GPLD1: variants seen among roughly 807,000 people sequenced by gnomAD.
GPLD1 encodes glycosylphosphatidylinositol specific phospholipase D1, also known as phosphatidylinositol-glycan-specific phospholipase D.
In GPLD1, 84 loss-of-function variants were observed where a neutral mutation model predicts 112.6. That is an observed-to-expected ratio of 0.75 (90% CI 0.63 to 0.89). The LOEUF (loss-of-function observed/expected upper bound fraction) is 0.89. Among genes scored for constraint, GPLD1 ranks in the 40% least tolerant of loss-of-function variants. The pLI is 0.00. For synonymous variants in GPLD1, 386 were observed against 403.8 expected, an observed-to-expected ratio of 0.96 and a Z score of 0.53; for missense variants, 1,044 against 1,051.5, an observed-to-expected ratio of 0.99 and a Z score of 0.10.
At position 24,445,630 on chromosome 6, in the gene GPLD1, TC is replaced by T; in HGVS notation, c.1935del (p.Lys646AsnfsTer12). On this transcript the variant is annotated frameshift_variant, in exon 20 of 25. Coordinates refer to ENST00000230036, the MANE Select transcript of GPLD1 (RefSeq NM_001503.4). LOFTEE classifies it high-confidence loss of function. ...CCACTGGAAAGGGAAGTACCCAGTT[TC>T]CCCATTGCCTGTGAGACACAATAAA... is the stretch of plus-strand genomic sequence containing the variant. ...WFTISGDKAM[G>X]KLGTSLSSGH... is the part of the protein sequence containing the mutation. The T allele has an allele frequency of 1.2e-6, 2 of 1,613,282 alleles. No individual in the cohort carries two copies. Among genetic ancestry groups the T allele is most frequent in the Non-Finnish European group, 1.7e-6 (2 of 1,179,306 alleles).
At chr6:24,468,611 TGGTGCGATATC>T (rs1763696920) in intron 7 of GPLD1, among the ~76,000 whole-genome samples, 1 of 151,798 alleles carries the variant, frequency 6.6e-6, no homozygotes, top group African/African-American at 2.4e-5. Flanking sequence ...TGGAGTGCAG[TGGTGCGATATC>T]GGTTCACCGC....
At chr6:24,486,889 T>C (rs555663106) in intron 1 of GPLD1, among the ~76,000 whole-genome samples, 20 of 152,066 alleles carry the variant, frequency 1.3e-4, no homozygotes, top group African/African-American at 4.1e-4. Context: ...CAAAATACAA[T>C]ATAACACCTA....
At chr6:24,474,081 G>A (rs1161572140) in intron 5 of GPLD1, among the ~76,000 whole-genome samples, 1 of 151,724 alleles carries the variant, frequency 6.6e-6, no homozygotes, top group Non-Finnish European at 1.5e-5. Context: ...AGCCGAGATT[G>A]CACCACTGAA....
downstream of GPLD1, chr6:24,424,680 A>G (rs1019679901): frequency 2.0e-5 from 3 of 152,300 alleles, no homozygotes; most frequent in South Asian, 6.2e-4. Context: ...GGTTAAGTAC[A>G]GTTAGGCACT....
At position 24,446,819 on chromosome 6, in the gene GPLD1, C is replaced by T. The variant is rs1561835721; in HGVS notation, c.1820+19G>A. On this transcript the variant is annotated intron_variant, in intron 18 of 24. Transcript: ENST00000230036. The stretch of plus-strand genomic sequence containing the variant: ...CTGCCCCTGTGTTCATGGTTCCCAG[C>T]CCCCAGCATCAGCCTCACCTGCTGG... 2.5e-6 allele frequency: 4 copies of T among 1,610,162 alleles called. No individual in the cohort carries two copies. Among genetic ancestry groups the T allele is most frequent in the Non-Finnish European group, 3.4e-6 (4 of 1,178,160 alleles).
chr6:24,460,811 C>T (rs1483055111), intron 11 of GPLD1, among the ~76,000 whole-genome samples: 1 of 150,458 alleles, frequency 6.6e-6, no homozygotes, highest in Non-Finnish European at 1.5e-5. Flanking sequence ...ACGATCTCGG[C>T]TCATTGCAAC....
chr6:24,438,864 G>A (rs971009176), intron 20 of GPLD1, among the ~76,000 whole-genome samples: 1 of 151,908 alleles, frequency 6.6e-6, no homozygotes, highest in Non-Finnish European at 1.5e-5. Flanking sequence ...TCGGCTCACT[G>A]CAACCTCCGC....
At chr6:24,470,466 A>G (rs192579369) in intron 7 of GPLD1, among the ~76,000 whole-genome samples, 5 of 152,284 alleles carry the variant, frequency 3.3e-5, no homozygotes, top group Non-Finnish European at 7.4e-5. Flanking sequence ...ATCTACCCTC[A>G]TGTGGGAGAT....
chr6:24,490,391 G>T (rs915436290), upstream of GPLD1, among the ~76,000 whole-genome samples: 1 of 152,152 alleles, frequency 6.6e-6, no homozygotes, highest in African/African-American at 2.4e-5. Flanking sequence ...CAAGAGATGG[G>T]CTCCTAAAAG....
intron 20 of GPLD1, among the ~76,000 whole-genome samples, chr6:24,438,150 T>G (rs1212937117): frequency 6.6e-6 from 1 of 152,222 alleles, no homozygotes; most frequent in Non-Finnish European, 1.5e-5. Context: ...CTGCATTCAC[T>G]TCTGTGTCTC....
intron 6 of GPLD1, chr6:24,473,414 A>G: frequency 2.6e-6 from 1 of 381,504 alleles, no homozygotes; most frequent in East Asian, 3.9e-5. Flanking sequence ...TTTTTTAACA[A>G]AAAAATACAT....
chr6:24,460,858 G>A (rs1417196353), intron 11 of GPLD1, among the ~76,000 whole-genome samples: 1 of 151,206 alleles, frequency 6.6e-6, no homozygotes, highest in Non-Finnish European at 1.5e-5. Context: ...TCCTGTCTCA[G>A]CCTCCTGAGT....
At chr6:24,463,157 C>G (rs1763492020) in intron 10 of GPLD1, among the ~76,000 whole-genome samples, 1 of 151,314 alleles carries the variant, frequency 6.6e-6, no homozygotes, top group Admixed American at 6.6e-5. Context: ...ACATTTATGC[C>G]TAAATGTGTC....
intron 1 of GPLD1, among the ~76,000 whole-genome samples, chr6:24,487,451 CTTTG>C (rs1207903647): frequency 1.3e-5 from 2 of 152,032 alleles, no homozygotes; most frequent in Admixed American, 6.6e-5. Context: ...CCATTAGGAC[CTTTG>C]TTTGGTACTT....
Position 24,427,145 on chromosome 6 carries a change from C to G in GPLD1, c.*1887G>C, listed in dbSNP as rs1412495225. Among the ~76,000 whole-genome samples the G allele has an allele frequency of 6.6e-6, 1 of 152,212 alleles. No individual in the cohort carries two copies. The highest frequency in any genetic ancestry group is 2.4e-5 in the African/African-American group (1 of 41,450). ...TCTTCCCAATTTAACACAAAATAAA[C>G]TAGTTACTGTTTACAGATAATGCCC... is the stretch of plus-strand genomic sequence containing the variant. On this transcript the variant is annotated 3_prime_UTR_variant, in exon 25 of 25. Coordinates refer to ENST00000230036, the MANE Select transcript of GPLD1 (RefSeq NM_001503.4).
intron 24 of GPLD1, among the ~76,000 whole-genome samples, chr6:24,431,716 G>A (rs542902772): frequency 2.6e-5 from 4 of 151,904 alleles, no homozygotes; most frequent in Admixed American, 2.6e-4. Context: ...TGTATTTTTA[G>A]TAGAGCCGGG....
intron 3 of GPLD1, among the ~76,000 whole-genome samples, chr6:24,477,555 C>T (rs963366882): frequency 3.3e-5 from 5 of 151,206 alleles, no homozygotes; most frequent in African/African-American, 1.2e-4. Flanking sequence ...CACATCTCTA[C>T]AAAAATTTAA....
intron 7 of GPLD1, among the ~76,000 whole-genome samples, chr6:24,469,018 G>C (rs552771040): frequency 4.6e-5 from 7 of 152,274 alleles, no homozygotes; most frequent in Admixed American, 3.3e-4. Context: ...TTCTAAATCA[G>C]GCTTTTGGTT....
At chr6:24,480,558 T>TACGC (rs1764168436) in intron 2 of GPLD1, among the ~76,000 whole-genome samples, 3 of 152,246 alleles carry the variant, frequency 2.0e-5, no homozygotes, top group South Asian at 4.1e-4. Flanking sequence ...CAAACGCACG[T>TACGC]ACGCACGCAC....
Sources: allele counts gnomAD v4.1 joint callset (sites outside exome capture counted in the v4.1 genomes callset), GRCh38; gene constraint gnomAD v4.1.1; transcripts MANE v1.5; gene names NCBI Gene and HGNC (gene_info 2026-07-23, HGNC 2026-07-21).